Variants in DNAH14 observed in about 807,000 individuals in gnomAD.
DNAH14 encodes axonemal beta dynein heavy chain 14.
In DNAH14, 478 loss-of-function variants were observed where a neutral mutation model predicts 520.9. The ratio of observed to expected loss-of-function variants is 0.92; its 90% CI spans 0.85 to 0.99. DNAH14 has a LOEUF of 0.99. DNAH14 is among the 50% of genes least tolerant of loss of function. The pLI, the probability that DNAH14 is intolerant of heterozygous loss-of-function variation, is 0.00. For missense variants in DNAH14, 4,831 were observed against 5,234.5 expected (o/e 0.92, Z 2.38); for synonymous variants, 1,581 against 1,757.2 (o/e 0.90, Z 2.51).
Position 225,035,617 on chromosome 1 carries a change from T to C in DNAH14, c.1359-3077T>C, listed in dbSNP as rs2066899798. Among the ~76,000 whole-genome samples the C allele has an allele frequency of 2.6e-5, 4 of 152,164 alleles. 1 individual carries two copies. The South Asian group carries it at 6.2e-4, about 24-fold the overall frequency. On this transcript the variant is annotated intron_variant, in intron 11 of 85. Transcript: ENST00000682510. Reference sequence around the variant, plus strand: ...ATGTTGGTTGATTTCCATGTGTTTGTATAGTTCCCAGAATTCCTTCTGTGA... The same window carrying C: ...ATGTTGGTTGATTTCCATGTGTTTGCATAGTTCCCAGAATTCCTTCTGTGA...
intron 8 of DNAH14, among the ~76,000 whole-genome samples, chr1:225,001,540 G>A (rs1222392731): frequency 2.0e-5 from 3 of 151,872 alleles, no homozygotes; most frequent in Non-Finnish European, 4.4e-5. Context: ...TTTTTTTCTT[G>A]TTAGATCATG....
chr1:224,985,261 A>T (rs957077820), intron 8 of DNAH14, among the ~76,000 whole-genome samples: 2 of 152,216 alleles, frequency 1.3e-5, no homozygotes, highest in Non-Finnish European at 2.9e-5. Flanking sequence ...CCTGGTATAT[A>T]TATGATGGAA....
intron 43 of DNAH14, 37 bp from the exon 44 acceptor site, chr1:225,252,264 C>T (rs1161453528): frequency 2.7e-6 from 3 of 1,108,160 alleles, no homozygotes; most frequent in Non-Finnish European, 4.0e-6. Flanking sequence ...CATAACTGAA[C>T]CCCTTTCTTA....
chr1:225,190,134 T>C (rs1573861311), intron 37 of DNAH14, among the ~76,000 whole-genome samples: 1 of 152,094 alleles, frequency 6.6e-6, no homozygotes, highest in Non-Finnish European at 1.5e-5. Context: ...CTGAACCCTA[T>C]ATATACTATG....
chr1:225,054,032 C>T (rs536110914), intron 17 of DNAH14, among the ~76,000 whole-genome samples: 17 of 152,194 alleles, frequency 1.1e-4, no homozygotes, highest in Non-Finnish European at 4.4e-5. Context: ...TGTGAGTGCT[C>T]CCCATGAGAC....
At chr1:225,157,929 A>G (rs2081192808) in intron 34 of DNAH14, among the ~76,000 whole-genome samples, 1 of 152,336 alleles carries the variant, frequency 6.6e-6, no homozygotes, top group East Asian at 1.9e-4. Flanking sequence ...TTATAGGAAT[A>G]CAATGAGTAC....
At position 225,051,881 on chromosome 1, in the gene DNAH14, A is replaced by T. The variant is rs1007446663; in HGVS notation, c.2424+86A>T. 6.6e-5 allele frequency: 62 copies of T among 945,636 alleles called. No individual in the cohort carries two copies. In the African/African-American group the frequency reaches 9.5e-4, roughly 15 times the overall value. The allele number at this position is 945,636 out of a possible 1,614,324, so 58.6% of individuals were successfully genotyped here. On this transcript the variant is annotated intron_variant, in intron 17 of 85. Coordinates refer to ENST00000682510, the MANE Select transcript of DNAH14 (RefSeq NM_001367479.1). ...AAAATATGTACTTAGAGAATATATG[A>T]TATCATGTCACATGCAGAGTATGAT... is the stretch of plus-strand genomic sequence containing the variant.
At chr1:225,175,476 T>C (rs2083206544) in intron 36 of DNAH14, among the ~76,000 whole-genome samples, 1 of 152,054 alleles carries the variant, frequency 6.6e-6, no homozygotes, top group Non-Finnish European at 1.5e-5. Context: ...TTCTGTGGTA[T>C]CAGCTATAAT....
At chr1:225,169,277 C>T (rs182277710) in intron 36 of DNAH14, among the ~76,000 whole-genome samples, 20 of 152,300 alleles carry the variant, frequency 1.3e-4, no homozygotes, top group South Asian at 6.2e-4. Context: ...TCACCAGCAA[C>T]GGAACAAAGC....
At chr1:225,084,011 AC>A (rs2073443986) in intron 20 of DNAH14, among the ~76,000 whole-genome samples, 1 of 152,168 alleles carries the variant, frequency 6.6e-6, no homozygotes, top group African/African-American at 2.4e-5. Context: ...CTGGTGGCCT[AC>A]ATGGGGTGGT....
chr1:224,932,126 G>A (rs1165667041), intron 1 of DNAH14, among the ~76,000 whole-genome samples: 1 of 151,876 alleles, frequency 6.6e-6, no homozygotes, highest in African/African-American at 2.4e-5. Flanking sequence ...GTTATTTTTT[G>A]ACTTTGACTT....
In DNAH14 at chr1:225,240,576, A is replaced by T. The variant is rs928735326; in HGVS notation, c.6519-17A>T. On this transcript the variant is annotated splice_polypyrimidine_tract_variant and intron_variant, in intron 42 of 85. Transcript: ENST00000682510. ...TAAAAATGTTAACCTTCATCCTTCC[A>T]TACCTGTCTACCCCAGGGATGAAAA... 1.4e-6 allele frequency: 2 copies of T among 1,453,064 alleles called. No homozygotes were observed. The highest frequency in any genetic ancestry group is 1.9e-6 in the Non-Finnish European group (2 of 1,059,646). 90.0% of individuals were successfully genotyped at this position (1,453,064 alleles called of 1,614,324 possible).
rs538140682 is a variant in DNAH14 at position 225,170,796 on chromosome 1, C to T, written c.5535+2768C>T. On this transcript the variant is annotated intron_variant, in intron 36 of 85. Coordinates refer to ENST00000682510, the MANE Select transcript of DNAH14 (RefSeq NM_001367479.1). ...AATAGACATCTACAAAACCCTCCAC[C>T]CCAAATCAACAGAATATACATTCTT... Among the ~76,000 whole-genome samples the T allele has an allele frequency of 1.3e-3, 200 of 152,284 alleles. 1 individual carries two copies. Among genetic ancestry groups the T allele is most frequent in the African/African-American group, 4.7e-3 (196 of 41,570 alleles).
In DNAH14 at chr1:225,364,871, C is replaced by T. The variant is rs960734550; in HGVS notation, c.12067C>T (p.Pro4023Ser). ...AAAATCATACAGTTCTTTTCCAATT[C>T]CTGTTCTTAAAAAGGGTTTAAAGGT... is the stretch of plus-strand genomic sequence containing the variant. ...SSKSYSSFPI[P>S]VLKKGLKIAV... is the part of the protein sequence containing the mutation. Residue 4023 changes from proline to serine, a missense_variant, in exon 76 of 86, where the codon CCT becomes TCT. Physicochemically the swap from Pro to Ser is moderately conservative, Grantham distance 74 (BLOSUM62 -1). Transcript: ENST00000682510. 3.9e-5 allele frequency: 61 copies of T among 1,547,226 alleles called. No individual in the cohort carries two copies. Among genetic ancestry groups the T allele is most frequent in the Non-Finnish European group, 5.1e-5 (58 of 1,145,238 alleles).
chr1:225,375,996 G>A (rs151064258), intron 78 of DNAH14, among the ~76,000 whole-genome samples: 172 of 152,014 alleles, frequency 1.1e-3, no homozygotes, highest in African/African-American at 3.6e-3. Context: ...GCTGAGGCCC[G>A]AGAATCACCC....
intron 77 of DNAH14, among the ~76,000 whole-genome samples, chr1:225,374,221 T>C: frequency 2.2e-5 from 1 of 45,402 alleles, no homozygotes; most frequent in Non-Finnish European, 4.6e-5. Flanking sequence ...GTAAGACAAA[T>C]GAAATATATA....
At chr1:225,368,735 G>A (rs1352594530) in intron 77 of DNAH14, among the ~76,000 whole-genome samples, 1 of 151,874 alleles carries the variant, frequency 6.6e-6, no homozygotes, top group Admixed American at 6.6e-5. Context: ...TCTTGATTCT[G>A]CCTCTGGGTA....
At chr1:225,347,931 C>T (rs933260858) in intron 71 of DNAH14, among the ~76,000 whole-genome samples, 1 of 151,976 alleles carries the variant, frequency 6.6e-6, no homozygotes, top group Non-Finnish European at 1.5e-5. Flanking sequence ...CATAAAGTTG[C>T]TCAATGAGCT....
In DNAH14 at chr1:225,080,616, C is replaced by G. The variant is rs1472243025; in HGVS notation, c.3004C>G (p.Leu1002Val). ...IEGDLTLRKKLWEAQEEWKRA... is the reference protein window; with the variant it reads ...IEGDLTLRKKVWEAQEEWKRA... ...AGGTGACTTGACTTTGAGGAAAAAA[C>G]TATGGGAAGCACAAGAGGAGTGGAA... Residue 1002 changes from leucine (L) to valine (V), a missense_variant, in exon 19 of 86, where the codon CTA becomes GTA. Physicochemically the swap from Leu to Val is conservative, Grantham distance 32 (BLOSUM62 1). Coordinates refer to ENST00000682510, the MANE Select transcript of DNAH14 (RefSeq NM_001367479.1). 1 of 1,551,990 alleles carries G rather than the reference C, an allele frequency of 6.4e-7. No homozygotes were observed. The highest frequency in any genetic ancestry group is 2.4e-5 in the East Asian group (1 of 40,910).
Sources: allele counts gnomAD v4.1 joint callset (sites outside exome capture counted in the v4.1 genomes callset), GRCh38; gene constraint gnomAD v4.1.1; transcripts MANE v1.5; gene names NCBI Gene and HGNC (gene_info 2026-07-23, HGNC 2026-07-21).